Variants in RASL12 observed in about 807,000 individuals in gnomAD.
The protein encoded by RASL12 is RAS like family 12.
A neutral mutation model predicts 22.9 loss-of-function variants in RASL12; 16 were observed. That is an observed-to-expected ratio of 0.70 (90% CI 0.47 to 1.06). The LOEUF (loss-of-function observed/expected upper bound fraction) is 1.06, where lower values mean the gene tolerates loss of function less well. Ranked by LOEUF, RASL12 falls within the 50% of genes least tolerant of loss-of-function variation. RASL12 has a pLI of 0.00. For synonymous variants in RASL12, 159 were observed against 152.2 expected (o/e 1.04, Z -0.33); for missense variants, 306 against 353.1 (o/e 0.87, Z 1.07).
rs116804967 is a variant in RASL12 at position 65,076,502 on chromosome 15, C to G, written c.70+27G>C. 517 of 685,726 alleles carry G rather than the reference C, an allele frequency of 7.5e-4. No individual in the cohort carries two copies. The African/African-American group carries it at 8.0e-3, about 11-fold the overall frequency. The allele number at this position is 685,726 out of a possible 1,614,324, so 42.5% of individuals were successfully genotyped here. ...CATCAGAAAGGACAGACTCCAGACA[C>G]GCTACCTTAAGAGCTGTAACACTCA... On this transcript the variant is annotated intron_variant, in intron 1 of 4. Transcript: ENST00000434605.
At chr15:65,060,876 T>G (rs2086794758) in intron 2 of RASL12, among the ~76,000 whole-genome samples, 1 of 152,216 alleles carries the variant, frequency 6.6e-6, no homozygotes, top group South Asian at 2.1e-4. Context: ...ACAGACAGCT[T>G]CTTGTCCCCA....
intron 2 of RASL12, among the ~76,000 whole-genome samples, chr15:65,063,869 C>T (rs934981625): frequency 1.3e-5 from 2 of 152,196 alleles, no homozygotes; most frequent in Admixed American, 1.3e-4. Context: ...CCTCCAGGTG[C>T]GGCAGGAGCG....
chr15:65,067,893 C>G lies in RASL12; in HGVS notation c.-58G>C. On this transcript the variant is annotated 5_prime_UTR_variant, in exon 1 of 5. Coordinates refer to ENST00000220062, the MANE Select transcript of RASL12 (RefSeq NM_016563.4). ...GCCGGTGGGCCCCGCGCAGTGCGCC[C>G]GCCCGTCGGGGCCCAGGGGAGCGGG... 2.2e-6 allele frequency: 3 copies of G among 1,377,094 alleles called. No homozygotes were observed. Among genetic ancestry groups the G allele is most frequent in the Non-Finnish European group, 2.8e-6 (3 of 1,070,938 alleles). The allele number at this position is 1,377,094 out of a possible 1,614,324, so 85.3% of individuals were successfully genotyped here.
At chr15:65,068,262 C>G (rs553315284), upstream of RASL12, 139 of 987,144 alleles carry the variant, frequency 1.4e-4, 1 homozygote, top group Middle Eastern at 2.6e-3. The surrounding 1 kb of genome is among the most constrained non-coding windows in gnomAD (Gnocchi z 4.2). Context: ...GATGTTTGCA[C>G]TCTTCCCTGA....
chr15:65,050,610 A>G (rs1199163837), downstream of RASL12, among the ~76,000 whole-genome samples: 1 of 152,202 alleles, frequency 6.6e-6, no homozygotes, highest in Non-Finnish European at 1.5e-5. Flanking sequence ...AACTAAGGAA[A>G]TAATTAGGTA....
At chr15:65,055,699 T>C (rs1019480114) in intron 4 of RASL12, among the ~76,000 whole-genome samples, 2 of 152,170 alleles carry the variant, frequency 1.3e-5, no homozygotes, top group African/African-American at 4.8e-5. Context: ...CCCACAGCTC[T>C]GGCTTGTGGG....
chr15:65,054,227 C>A lies in RASL12; in HGVS notation c.*672G>T, dbSNP rs949423513. 1.7e-5 allele frequency: 17 copies of A among 985,864 alleles called. No homozygotes were observed. Among genetic ancestry groups the A allele is most frequent in the Admixed American group, 6.1e-5 (1 of 16,270 alleles). The allele number at this position is 985,864 out of a possible 1,614,324, so 61.1% of individuals were successfully genotyped here. A position where few individuals can be genotyped will look rare whatever the true frequency, so the allele number is the denominator to read the frequency against. On this transcript the variant is annotated 3_prime_UTR_variant, in exon 5 of 5. Coordinates refer to ENST00000220062, the MANE Select transcript of RASL12 (RefSeq NM_016563.4). ...GAATCTGTCTGCTGGTGAAAGAACTCTGGGGCTCCTTATGCTGGACAACCT... is the reference window on the plus strand; with the variant it reads ...GAATCTGTCTGCTGGTGAAAGAACTATGGGGCTCCTTATGCTGGACAACCT...
rs145915077 is a variant in RASL12 at position 65,063,536 on chromosome 15, G to A, written c.160+1681C>T. Among the ~76,000 whole-genome samples the A allele has an allele frequency of 1.8e-4, 27 of 152,288 alleles. No individual in the cohort carries two copies. In the East Asian group the frequency reaches 4.8e-3, roughly 27 times the overall value. On this transcript the variant is annotated intron_variant, in intron 2 of 4. Transcript: ENST00000220062. ...CTTGGCCCAGAGTCTTCAGCTCCTTGGGCCTGTTTCCTCCACTGTAGCACT... is the reference window on the plus strand; with the variant it reads ...CTTGGCCCAGAGTCTTCAGCTCCTTAGGCCTGTTTCCTCCACTGTAGCACT...
intron 1 of RASL12, among the ~76,000 whole-genome samples, chr15:65,073,637 C>G (rs2086946562): frequency 6.6e-6 from 1 of 152,230 alleles, no homozygotes. Flanking sequence ...TTGGGGACCC[C>G]TGCTTTAGAA....
intron 1 of RASL12, among the ~76,000 whole-genome samples, chr15:65,073,917 C>T (rs544173139): frequency 6.6e-6 from 1 of 152,250 alleles, no homozygotes; most frequent in Non-Finnish European, 1.5e-5. Flanking sequence ...TTCAGGAAGC[C>T]CTTCTTCCCA....
chr15:65,065,889 G>A (rs9630429), intron 1 of RASL12, among the ~76,000 whole-genome samples: 56,494 of 151,854 alleles, frequency 0.37, 11,186 homozygotes, highest in South Asian at 0.55. Flanking sequence ...TATCTCAGCA[G>A]AATGTAAAAC....
chr15:65,053,092 G>A (rs1453306761), downstream of RASL12: 3 of 1,614,144 alleles, frequency 1.9e-6, no homozygotes, highest in South Asian at 1.1e-5. Flanking sequence ...ACTTGGCCCA[G>A]GTGGAACTTG....
intron 1 of RASL12, among the ~76,000 whole-genome samples, chr15:65,073,562 GC>G (rs2086946055): frequency 6.6e-6 from 1 of 152,202 alleles, no homozygotes; most frequent in African/African-American, 2.4e-5. Flanking sequence ...TATAGATGAA[GC>G]TTTGCTTGCT....
intron 2 of RASL12, among the ~76,000 whole-genome samples, chr15:65,064,413 G>C (rs774401819): frequency 6.6e-5 from 10 of 152,176 alleles, no homozygotes; most frequent in Non-Finnish European, 1.2e-4. Context: ...AGCTCTGACT[G>C]ACACCGAAAC....
downstream of RASL12, among the ~76,000 whole-genome samples, chr15:65,051,124 G>A (rs1470066994): frequency 3.9e-5 from 6 of 152,080 alleles, no homozygotes; most frequent in Non-Finnish European, 8.8e-5. Flanking sequence ...GATTATAGGC[G>A]TGAGCCACTG....
chr15:65,068,277 C>T (rs1595910052), upstream of RASL12: 1 of 985,270 alleles, frequency 1.0e-6, no homozygotes, highest in South Asian at 4.7e-5. This position sits in a 1 kb window ranked among gnomAD's most constrained non-coding sequence, Gnocchi z 4.2. Context: ...CCCTGAACCT[C>T]CCACTCAATC....
chr15:65,048,101 G>C, the RASL12 span, among the ~76,000 whole-genome samples: 2 of 151,660 alleles, frequency 1.3e-5, no homozygotes, highest in East Asian at 3.9e-4. Context: ...GAACCGCTTG[G>C]ACCCAGGAGG....
chr15:65,048,378 ACT>A (rs1384289989), downstream of RASL12, among the ~76,000 whole-genome samples: 4 of 151,770 alleles, frequency 2.6e-5, no homozygotes, highest in East Asian at 3.9e-4. Flanking sequence ...GCTAGAGGAA[ACT>A]CTGATGTAAA....
chr15:65,058,096 C>T (rs1473172836), intron 4 of RASL12, among the ~76,000 whole-genome samples: 1 of 152,168 alleles, frequency 6.6e-6, no homozygotes, highest in Admixed American at 6.5e-5. Flanking sequence ...AGGCGAAACC[C>T]CATCTCTACT....
Sources: allele counts gnomAD v4.1 joint callset (sites outside exome capture counted in the v4.1 genomes callset), GRCh38; gene constraint gnomAD v4.1.1; non-coding constraint Gnocchi (gnomAD v3.1); transcripts MANE v1.5; gene names NCBI Gene and HGNC (gene_info 2026-07-23, HGNC 2026-07-21).